Variants in IL1R1 observed in about 807,000 individuals in gnomAD.
The protein encoded by IL1R1 is interleukin 1 receptor type 1.
IL1R1 carries 22 observed loss-of-function variants against 50.2 expected under a neutral mutation model. The ratio of observed to expected loss-of-function variants is 0.44; its 90% CI spans 0.31 to 0.63. The LOEUF (loss-of-function observed/expected upper bound fraction) is 0.63. Ranked by LOEUF, IL1R1 falls within the 20% of genes least tolerant of loss-of-function variation. The pLI, the probability that IL1R1 is intolerant of heterozygous loss-of-function variation, is 0.07. For missense variants in IL1R1, 509 were observed against 676.2 expected (o/e 0.75, Z 2.74); for synonymous variants, 251 against 236.7 (o/e 1.06, Z -0.55).
chr2:102,158,699 T>A (rs1333247774), intron 3 of IL1R1, among the ~76,000 whole-genome samples: 5 of 152,200 alleles, frequency 3.3e-5, no homozygotes, highest in Non-Finnish European at 7.3e-5. Flanking sequence ...TTATATGGAA[T>A]GTTGTGCCCT....
At chr2:102,134,484 T>C (rs1188782878) in intron 1 of IL1R1, among the ~76,000 whole-genome samples, 1 of 152,144 alleles carries the variant, frequency 6.6e-6, no homozygotes, top group Admixed American at 6.5e-5. Context: ...GTTCAAGTGA[T>C]TCTTCTGCCT....
At chr2:102,072,672 G>T (rs539834097) in intron 1 of IL1R1, among the ~76,000 whole-genome samples, 1 of 152,150 alleles carries the variant, frequency 6.6e-6, no homozygotes, top group Non-Finnish European at 1.5e-5. Flanking sequence ...TTGGATTTGT[G>T]AGAATTGTTT....
chr2:102,133,199 G>A (rs967911125), intron 1 of IL1R1, among the ~76,000 whole-genome samples: 7 of 134,838 alleles, frequency 5.2e-5, no homozygotes, highest in Admixed American at 7.9e-5. Flanking sequence ...AGCCCATATC[G>A]TGCCACTGCA....
chr2:102,171,320 G>A lies in IL1R1; in HGVS notation c.722-481G>A, dbSNP rs1414751600. On this transcript the variant is annotated intron_variant, in intron 7 of 11. Transcript: ENST00000410023. ...CTGACACAGCCTCACTAAAGAGAGG[G>A]GGTTAGCTTTTAAAATATGTTTCTT... is the stretch of plus-strand genomic sequence containing the variant. Among the ~76,000 whole-genome samples the A allele has an allele frequency of 2.0e-5, 3 of 152,016 alleles. No individual in the cohort carries two copies. In the East Asian group the frequency reaches 5.8e-4, roughly 29 times the overall value.
chr2:102,087,471 T>C (rs1400278026), intron 1 of IL1R1, among the ~76,000 whole-genome samples: 1 of 152,192 alleles, frequency 6.6e-6, no homozygotes, highest in Non-Finnish European at 1.5e-5. Context: ...TCAGTTTAGG[T>C]AATATTCATA....
At chr2:102,098,305 A>C (rs1024978898) in intron 1 of IL1R1, among the ~76,000 whole-genome samples, 1 of 152,198 alleles carries the variant, frequency 6.6e-6, no homozygotes, top group Non-Finnish European at 1.5e-5. Context: ...CTTGTACTCT[A>C]TAAAACACTG....
intron 1 of IL1R1, among the ~76,000 whole-genome samples, chr2:102,153,455 C>G (rs959799856): frequency 6.6e-6 from 1 of 152,176 alleles, no homozygotes; most frequent in African/African-American, 2.4e-5. Context: ...TTGTTAAACA[C>G]TGGACCCATT....
chr2:102,102,959 A>G (rs1559462809), upstream of IL1R1, among the ~76,000 whole-genome samples: 1 of 152,142 alleles, frequency 6.6e-6, no homozygotes, highest in African/African-American at 2.4e-5. Context: ...GTTCATACGG[A>G]CACAAAGAAA....
intron 1 of IL1R1, among the ~76,000 whole-genome samples, chr2:102,119,017 CAAAAA>C (rs56327525): frequency 1.3e-5 from 1 of 74,518 alleles, no homozygotes; most frequent in African/African-American, 5.6e-5. Flanking sequence ...GACTGTGTCT[CAAAAA>C]AAAAAAAAAA....
chr2:102,164,976 G>GGT lies in IL1R1; in HGVS notation c.265_266insTG (p.Glu89ValfsTer11). 1 of 1,613,970 alleles carries GGT rather than the reference G, an allele frequency of 6.2e-7. No individual in the cohort carries two copies. The highest frequency in any genetic ancestry group is 2.2e-5 in the East Asian group (1 of 44,860). On this transcript the variant is annotated frameshift_variant, in exon 4 of 12. Coordinates refer to ENST00000410023, the MANE Select transcript of IL1R1 (RefSeq NM_000877.4). LOFTEE classifies it high-confidence loss of function. ...AACTTTGGTTTGTTCCTGCTAAGGT[G>GGT]GAGGATTCAGGACATTACTATTGCG...
chr2:102,076,943 T>C (rs994836223), intron 1 of IL1R1, among the ~76,000 whole-genome samples: 1 of 152,206 alleles, frequency 6.6e-6, no homozygotes, highest in African/African-American at 2.4e-5. Flanking sequence ...TATTTGGATA[T>C]TTTACATTGT....
At chr2:102,140,381 C>T (rs980899406), upstream of IL1R1, among the ~76,000 whole-genome samples, 1 of 152,154 alleles carries the variant, frequency 6.6e-6, no homozygotes, top group African/African-American at 2.4e-5. Flanking sequence ...ATCAGCTAGA[C>T]AAGTGGAGGA....
intron 1 of IL1R1, among the ~76,000 whole-genome samples, chr2:102,135,802 T>C (rs1682312289): frequency 6.6e-6 from 1 of 152,232 alleles, no homozygotes; most frequent in African/African-American, 2.4e-5. Context: ...CTGTCTAATA[T>C]GATAGCCTCT....
intron 3 of IL1R1, among the ~76,000 whole-genome samples, chr2:102,164,502 T>G (rs994694859): frequency 6.6e-6 from 1 of 152,142 alleles, no homozygotes; most frequent in Non-Finnish European, 1.5e-5. Context: ...TCTCTCCTCC[T>G]ACATTGTCCC....
intron 1 of IL1R1, among the ~76,000 whole-genome samples, chr2:102,090,798 G>T (rs1487180393): frequency 6.6e-6 from 1 of 151,894 alleles, no homozygotes; most frequent in Non-Finnish European, 1.5e-5. Flanking sequence ...CATGTGAGCT[G>T]CTTCCATATT....
chr2:102,108,241 T>G (rs398088997), intron 1 of IL1R1, among the ~76,000 whole-genome samples: 1,238 of 33,968 alleles, frequency 0.036, 27 homozygotes, highest in African/African-American at 0.1. Context: ...TGTGTGTGTG[T>G]GGGGGGGGGT....
chr2:102,133,792 T>C (rs1222250426), intron 1 of IL1R1, among the ~76,000 whole-genome samples: 1 of 152,098 alleles, frequency 6.6e-6, no homozygotes, highest in Non-Finnish European at 1.5e-5. Flanking sequence ...GAAAGGTCTA[T>C]AGCTAACATC....
At chr2:102,073,737 T>A (rs1360027325) in intron 1 of IL1R1, among the ~76,000 whole-genome samples, 1 of 152,094 alleles carries the variant, frequency 6.6e-6, no homozygotes, top group Non-Finnish European at 1.5e-5. Flanking sequence ...CTTTCCAAGG[T>A]AGGAGACCAT....
intron 3 of IL1R1, 88 bp from the exon 4 acceptor site, chr2:102,164,686 A>T: frequency 1.3e-6 from 1 of 790,988 alleles, no homozygotes; most frequent in Non-Finnish European, 2.1e-6. Flanking sequence ...GATGTATTTA[A>T]TAATCAATGT....
Sources: allele counts gnomAD v4.1 joint callset (sites outside exome capture counted in the v4.1 genomes callset), GRCh38; gene constraint gnomAD v4.1.1; transcripts MANE v1.5; gene names NCBI Gene and HGNC (gene_info 2026-07-23, HGNC 2026-07-21).